The following FILIP1L variants were observed in gnomAD, a reference collection of about 807,000 sequenced individuals.
FILIP1L encodes filamin A-interacting protein 1-like.
In FILIP1L, 55 loss-of-function variants were observed where a neutral mutation model predicts 96.6. The observed-to-expected ratio is 0.57, with a 90% CI of 0.46 to 0.71. The LOEUF is 0.71. Among genes scored for constraint, FILIP1L ranks in the 30% least tolerant of loss-of-function variants. The pLI is 0.00. For missense variants in FILIP1L, 1,304 were observed against 1,321.2 expected, an observed-to-expected ratio of 0.99 and a Z score of 0.20; for synonymous variants, 467 against 473.9, an observed-to-expected ratio of 0.99 and a Z score of 0.19.
intron 1 of FILIP1L, among the ~76,000 whole-genome samples, chr3:99,975,074 C>A (rs1172065284): frequency 6.6e-6 from 1 of 152,210 alleles, no homozygotes; most frequent in African/African-American, 2.4e-5. Flanking sequence ...AGGAACTATA[C>A]TGAGCATCTT....
At chr3:99,971,096 G>T (rs935259830) in intron 1 of FILIP1L, among the ~76,000 whole-genome samples, 6 of 152,156 alleles carry the variant, frequency 3.9e-5, no homozygotes, top group Admixed American at 1.3e-4. Context: ...CCAGCACTTT[G>T]GGAGGCCAAG....
At chr3:99,958,528 A>T (rs1708403500) in intron 1 of FILIP1L, among the ~76,000 whole-genome samples, 1 of 152,172 alleles carries the variant, frequency 6.6e-6, no homozygotes, top group African/African-American at 2.4e-5. Context: ...TATAACATGT[A>T]TGTGCCACAG....
At chr3:100,069,781 C>T (rs1361187190) in intron 1 of FILIP1L, among the ~76,000 whole-genome samples, 1 of 152,064 alleles carries the variant, frequency 6.6e-6, no homozygotes, top group African/African-American at 2.4e-5. Context: ...GAGGAGGTGG[C>T]AGAATGGAGG....
Position 99,860,282 on chromosome 3 carries a change from T to C in FILIP1L, c.606-9212A>G, listed in dbSNP as rs145388789. Reference sequence around the variant, plus strand: ...GTATACTGTTAGTCATTACTCTTCATCACCTGAACGATTAATCTTACTAGG... The same window carrying C: ...GTATACTGTTAGTCATTACTCTTCACCACCTGAACGATTAATCTTACTAGG... On this transcript the variant is annotated intron_variant, in intron 4 of 5. Transcript: ENST00000477258. Among the ~76,000 whole-genome samples, 581 of 152,264 alleles carry C rather than the reference T, an allele frequency of 3.8e-3. 3 individuals carry two copies. The highest frequency in any genetic ancestry group is 0.013 in the African/African-American group (553 of 41,554).
At chr3:100,113,371 A>G (rs974024639) in intron 1 of FILIP1L, among the ~76,000 whole-genome samples, 6 of 152,218 alleles carry the variant, frequency 3.9e-5, no homozygotes, top group Non-Finnish European at 4.4e-5. Flanking sequence ...TGATGTGCCC[A>G]TGGATATCCA....
rs1008648053 is a variant in FILIP1L at position 99,833,315 on chromosome 3, A to G, written c.3382-2710T>C. 2.7e-6 allele frequency: 4 copies of G among 1,477,212 alleles called. No homozygotes were observed. In the African/African-American group the frequency reaches 5.6e-5, roughly 21 times the overall value. 91.5% of individuals were successfully genotyped at this position (1,477,212 alleles called of 1,614,324 possible). On this transcript the variant is annotated intron_variant, in intron 5 of 5. Transcript: ENST00000477258. ...AATTTGTGGAATATATTAAATTCTA[A>G]AAGTGTTGGTTTGTTTTATCCATAG...
At chr3:100,113,702 C>T (rs758893322) in intron 1 of FILIP1L, among the ~76,000 whole-genome samples, 8 of 152,102 alleles carry the variant, frequency 5.3e-5, no homozygotes, top group Non-Finnish European at 7.4e-5. Flanking sequence ...CAAAATCAAG[C>T]TATTAAGAAG....
At chr3:99,979,575 T>G (rs192327220) in intron 1 of FILIP1L, among the ~76,000 whole-genome samples, 165 of 152,328 alleles carry the variant, frequency 1.1e-3, no homozygotes, top group African/African-American at 3.8e-3. Flanking sequence ...ATAAAACTCC[T>G]TAATGAAAAT....
intron 1 of FILIP1L, among the ~76,000 whole-genome samples, chr3:100,057,044 TG>T (rs1180736521): frequency 6.6e-6 from 1 of 151,998 alleles, no homozygotes; most frequent in Non-Finnish European, 1.5e-5. Flanking sequence ...CCCACAACTT[TG>T]GGGTAGCTCT....
chr3:100,071,528 A>G (rs1199978991), intron 1 of FILIP1L, among the ~76,000 whole-genome samples: 1 of 152,204 alleles, frequency 6.6e-6, no homozygotes, highest in African/African-American at 2.4e-5. Flanking sequence ...GGTGGGGGGC[A>G]GAGTACAGAA....
At chr3:99,855,245 T>C (rs1943904425) in intron 4 of FILIP1L, among the ~76,000 whole-genome samples, 1 of 152,196 alleles carries the variant, frequency 6.6e-6, no homozygotes, top group African/African-American at 2.4e-5. Flanking sequence ...CTAAAATCTG[T>C]CCACATTTCT....
At chr3:99,988,918 G>C (rs1303618838) in intron 1 of FILIP1L, among the ~76,000 whole-genome samples, 1 of 152,108 alleles carries the variant, frequency 6.6e-6, no homozygotes, top group Non-Finnish European at 1.5e-5. Context: ...GGAGTAATTG[G>C]GAACTTTCTG....
At chr3:99,884,086 T>A (rs371598268) in intron 4 of FILIP1L, among the ~76,000 whole-genome samples, 25 of 152,280 alleles carry the variant, frequency 1.6e-4, no homozygotes, top group Middle Eastern at 6.8e-3. Flanking sequence ...TCTTGGAGAT[T>A]ATCTAGTTAG....
intron 1 of FILIP1L, among the ~76,000 whole-genome samples, chr3:100,045,106 G>T (rs992057235): frequency 6.6e-6 from 1 of 152,210 alleles, no homozygotes; most frequent in Non-Finnish European, 1.5e-5. Flanking sequence ...CAGATCTGGC[G>T]CTCACAAGAG....
At chr3:99,938,066 TGTGTGTGTGC>T (rs1445543502) in intron 1 of FILIP1L, among the ~76,000 whole-genome samples, 3 of 96,028 alleles carry the variant, frequency 3.1e-5, no homozygotes, top group South Asian at 3.7e-4. Flanking sequence ...TGTGTGTGTG[TGTGTGTGTGC>T]GCGCGCGCGC....
chr3:99,879,603 T>C (rs1262496708), intron 4 of FILIP1L, among the ~76,000 whole-genome samples: 2 of 152,194 alleles, frequency 1.3e-5, no homozygotes, highest in Non-Finnish European at 2.9e-5. Context: ...GAAGCAGTAA[T>C]TAATAGGATG....
intron 4 of FILIP1L, among the ~76,000 whole-genome samples, chr3:99,893,256 C>T (rs184385664): frequency 0.017 from 2,512 of 151,098 alleles, 41 homozygotes; most frequent in Middle Eastern, 0.027. Context: ...ACCTCCGCCT[C>T]CCGGGTTCAC....
Position 99,850,958 on chromosome 3 carries a change from A to C in FILIP1L, c.718T>G (p.Leu240Val), listed in dbSNP as rs769550074. 10 of 1,614,080 alleles carry C rather than the reference A, an allele frequency of 6.2e-6. No homozygotes were observed. The highest frequency in any genetic ancestry group is 8.5e-6 in the Non-Finnish European group (10 of 1,180,010). Residue 240 changes from leucine (L) to valine (V), a missense_variant, in exon 5 of 6, where the codon TTG becomes GTG. Transcript: ENST00000477258. Reference sequence around the variant, plus strand: ...CTTTGCTGTTCATCCACCACCATCAAAGCAAAAGACTTCAGCTTGGTCAGC... The same window carrying C: ...CTTTGCTGTTCATCCACCACCATCACAGCAAAAGACTTCAGCTTGGTCAGC... ...EELTKLKSFA[L>V]MVVDEQQRLT...
chr3:100,110,696 C>T (rs761220489), intron 1 of FILIP1L, among the ~76,000 whole-genome samples: 3 of 152,188 alleles, frequency 2.0e-5, no homozygotes, highest in Non-Finnish European at 4.4e-5. Flanking sequence ...CTGCTCTGCT[C>T]AGCTCTGTAT....
Sources: gnomAD v4.1 joint callset for allele counts (sites outside exome capture counted in the v4.1 genomes callset) on GRCh38, gnomAD v4.1.1 for gene constraint, MANE v1.5 for transcripts, NCBI Gene and HGNC (gene_info 2026-07-23, HGNC 2026-07-21) for gene names.